Variants in HNRNPC observed in about 807,000 individuals in gnomAD.
The protein encoded by HNRNPC is heterogeneous nuclear ribonucleoprotein C.
In HNRNPC, 3 loss-of-function variants were observed where a neutral mutation model predicts 33.2. The ratio of observed to expected loss-of-function variants is 0.09; its 90% CI spans 0.04 to 0.23. The LOEUF (loss-of-function observed/expected upper bound fraction) is 0.23, where lower values mean the gene tolerates loss of function less well. HNRNPC is among the 10% of genes least tolerant of loss of function. HNRNPC has a pLI of 1.00. For synonymous variants in HNRNPC, 121 were observed against 126.7 expected, an observed-to-expected ratio of 0.96 and a Z score of 0.30; for missense variants, 143 against 366.7, an observed-to-expected ratio of 0.39 and a Z score of 4.98.
chr14:21,234,963 C>G (rs4982433), intron 2 of HNRNPC: 2 of 151,648 alleles, frequency 1.3e-5, no homozygotes, highest in African/African-American at 4.8e-5. Context: ...TTAATAATAT[C>G]GGATGGTGAT....
At chr14:21,228,630 G>C (rs1013139785) in intron 5 of HNRNPC, among the ~76,000 whole-genome samples, 5 of 151,954 alleles carry the variant, frequency 3.3e-5, no homozygotes, top group African/African-American at 9.7e-5. Context: ...CTGACCTCAT[G>C]ATCCACCTGC....
intron 2 of HNRNPC, among the ~76,000 whole-genome samples, chr14:21,248,011 G>A (rs1047460936): frequency 4.0e-5 from 6 of 151,074 alleles, no homozygotes; most frequent in African/African-American, 9.7e-5. Context: ...AAAAAAACCC[G>A]TATCATCACA....
At chr14:21,223,793 A>C (rs996037724) in intron 5 of HNRNPC, among the ~76,000 whole-genome samples, 2 of 152,110 alleles carry the variant, frequency 1.3e-5, no homozygotes, top group African/African-American at 4.8e-5. Context: ...GATTTGTTCC[A>C]AAAGTGTATA....
intron 5 of HNRNPC, among the ~76,000 whole-genome samples, chr14:21,215,091 T>A (rs1892016554): frequency 6.6e-6 from 1 of 152,220 alleles, no homozygotes; most frequent in Admixed American, 6.5e-5. Context: ...TTGTTTTGAA[T>A]CTATGTAACA....
chr14:21,267,002 A>C (rs1292225176), intron 1 of HNRNPC, among the ~76,000 whole-genome samples: 1 of 149,680 alleles, frequency 6.7e-6, no homozygotes, highest in Non-Finnish European at 1.5e-5. Context: ...GAGGCAGGAG[A>C]ATCGCTTGAA....
intron 2 of HNRNPC, among the ~76,000 whole-genome samples, chr14:21,244,078 G>C (rs1237115009): frequency 6.6e-6 from 1 of 151,490 alleles, no homozygotes; most frequent in East Asian, 1.9e-4. Flanking sequence ...GCCCAGGCTG[G>C]ATTGCAGTGT....
At position 21,212,964 on chromosome 14, in the gene HNRNPC, T is replaced by C. The variant is rs752511827; in HGVS notation, c.519A>G (p.Gly173=). The change falls in exon 6 of 9, where the codon GGA becomes GGG. Residue 173 remains glycine (G), a synonymous_variant. Coordinates refer to ENST00000553300, the MANE Select transcript of HNRNPC (RefSeq NM_004500.4). ...KSGQRGSSKS[G]KLKGDDLQAI... ...ACAAAATGAAATAATACATACACTTTCCAGACTTGGAAGATCCCCGCTGTC... is the reference window on the plus strand; with the variant it reads ...ACAAAATGAAATAATACATACACTTCCCAGACTTGGAAGATCCCCGCTGTC... 1 of 1,613,802 alleles carries C rather than the reference T, an allele frequency of 6.2e-7. No individual in the cohort carries two copies. The highest frequency in any genetic ancestry group is 8.5e-7 in the Non-Finnish European group (1 of 1,179,840).
chr14:21,235,306 G>A (rs2139666138), intron 2 of HNRNPC, among the ~76,000 whole-genome samples: 1 of 152,076 alleles, frequency 6.6e-6, no homozygotes. Flanking sequence ...AAAGATTCCA[G>A]TATTTGTTAT....
At chr14:21,244,065 G>C (rs1464960316) in intron 2 of HNRNPC, among the ~76,000 whole-genome samples, 1 of 148,568 alleles carries the variant, frequency 6.7e-6, no homozygotes, top group Non-Finnish European at 1.5e-5. Flanking sequence ...CTTAGCTCTT[G>C]TTGCCCAGGC....
intron 2 of HNRNPC, among the ~76,000 whole-genome samples, chr14:21,253,785 G>A (rs1214538850): frequency 6.6e-6 from 1 of 152,050 alleles, no homozygotes; most frequent in African/African-American, 2.4e-5. Flanking sequence ...AAAATGTGCG[G>A]CCAGGCGCGG....
chr14:21,234,206 T>C lies in HNRNPC; in HGVS notation c.-13A>G. 6.2e-7 allele frequency: 1 copy of C among 1,612,246 alleles called. No homozygotes were observed. Among genetic ancestry groups the C allele is most frequent in the Non-Finnish European group, 8.5e-7 (1 of 1,178,758 alleles). On this transcript the variant is annotated 5_prime_UTR_variant, in exon 3 of 9. Transcript: ENST00000553300. ...CGTTGCTGGCCATCGTGTTTGATGGTAAGGTTTCTCACAAAGCCGAAAACT... is the reference window on the plus strand; with the variant it reads ...CGTTGCTGGCCATCGTGTTTGATGGCAAGGTTTCTCACAAAGCCGAAAACT...
intron 2 of HNRNPC, among the ~76,000 whole-genome samples, chr14:21,254,877 G>A (rs1320984655): frequency 6.6e-6 from 1 of 150,922 alleles, no homozygotes; most frequent in African/African-American, 2.4e-5. Flanking sequence ...AGCCAAGATC[G>A]TGCCATTGCA....
chr14:21,258,044 A>G (rs894856727), intron 2 of HNRNPC, among the ~76,000 whole-genome samples: 1 of 152,218 alleles, frequency 6.6e-6, no homozygotes, highest in Non-Finnish European at 1.5e-5. Context: ...TAAAATTTTA[A>G]TAATAAAAGT....
chr14:21,226,899 G>T (rs866275123), intron 5 of HNRNPC, among the ~76,000 whole-genome samples: 1 of 106,356 alleles, frequency 9.4e-6, no homozygotes, highest in Non-Finnish European at 1.8e-5. Context: ...AAAAAAAGGG[G>T]GGGGGGGGAC....
chr14:21,260,941 A>C lies in HNRNPC; in HGVS notation c.-37+2370T>G, dbSNP rs545366121. Among the ~76,000 whole-genome samples, 3 of 144,682 alleles carry C rather than the reference A, an allele frequency of 2.1e-5. No individual in the cohort carries two copies. In the East Asian group the frequency reaches 6.2e-4, roughly 30 times the overall value. The allele number at this position is 144,682 out of a possible 152,430, so 94.9% of individuals were successfully genotyped here. A position where few individuals can be genotyped will look rare whatever the true frequency, so the allele number is the denominator to read the frequency against. ...TGGCACCACTGCACTCCAGCCTGGGAAACAGAGCGAGACTGTCTCAAAAAA... is the reference window on the plus strand; with the variant it reads ...TGGCACCACTGCACTCCAGCCTGGGCAACAGAGCGAGACTGTCTCAAAAAA... On this transcript the variant is annotated intron_variant, in intron 2 of 8. Transcript: ENST00000553300.
rs569870789 is a variant in HNRNPC at position 21,211,035 on chromosome 14, C to A, written c.*188G>T. ...GACTTAACAAAACTACTAGGAGCGT[C>A]AAAGGAAGTGAAAATGGGACTAGGC... On this transcript the variant is annotated 3_prime_UTR_variant, in exon 9 of 9. Coordinates refer to ENST00000553300, the MANE Select transcript of HNRNPC (RefSeq NM_004500.4). 7.3e-5 allele frequency: 46 copies of A among 626,014 alleles called. No individual in the cohort carries two copies. The South Asian group carries it at 9.2e-4, about 13-fold the overall frequency. 38.8% of individuals were successfully genotyped at this position (626,014 alleles called of 1,614,324 possible).
chr14:21,248,983 G>GT (rs1896311563), intron 2 of HNRNPC, among the ~76,000 whole-genome samples: 1 of 152,206 alleles, frequency 6.6e-6, no homozygotes, highest in African/African-American at 2.4e-5. Flanking sequence ...TAAATGACAC[G>GT]TGACATTGAC....
chr14:21,215,537 T>C (rs1380527783), intron 5 of HNRNPC, among the ~76,000 whole-genome samples: 2 of 152,146 alleles, frequency 1.3e-5, no homozygotes, highest in African/African-American at 2.4e-5. Context: ...CTTGATGGTG[T>C]TGGTATAAAA....
At chr14:21,212,932 C>T (rs1380225021) in intron 6 of HNRNPC, 28 bp downstream of exon 6, 22 of 1,612,516 alleles carry the variant, frequency 1.4e-5, no homozygotes, top group Non-Finnish European at 1.8e-5. Context: ...CAAGAGATAC[C>T]AAAATCACAA....
Sources: allele counts gnomAD v4.1 joint callset (sites outside exome capture counted in the v4.1 genomes callset), GRCh38; gene constraint gnomAD v4.1.1; transcripts MANE v1.5; gene names NCBI Gene and HGNC (gene_info 2026-07-23, HGNC 2026-07-21).